Variants in ZNF625 observed in about 807,000 individuals in gnomAD.
ZNF625 encodes the protein zinc finger protein 625.
Under a neutral mutation model 11.1 loss-of-function variants are expected in ZNF625, and 8 were observed. That is an observed-to-expected ratio of 0.72 (90% confidence interval 0.42 to 1.30). The LOEUF is 1.30. ZNF625 is among the 50% of genes most tolerant of loss of function. The pLI, the probability that ZNF625 is intolerant of heterozygous loss-of-function variation, is 0.01. For missense variants in ZNF625, 349 were observed against 447.6 expected (o/e 0.78, Z 1.99); for synonymous variants, 145 against 153.4 (o/e 0.95, Z 0.41).
At chr19:12,149,445 C>G (rs573608498) in intron 1 of ZNF625, among the ~76,000 whole-genome samples, 1 of 151,002 alleles carries the variant, frequency 6.6e-6, no homozygotes, top group East Asian at 1.9e-4. Context: ...GTTGTTACAA[C>G]AAGCATGAAA....
At chr19:12,156,263 A>G (rs1480590380) in intron 1 of ZNF625, among the ~76,000 whole-genome samples, 1 of 152,048 alleles carries the variant, frequency 6.6e-6, no homozygotes, top group African/African-American at 2.4e-5. Context: ...TCTCCGCACA[A>G]TCTGGGGAGA....
At position 12,145,793 on chromosome 19, in the gene ZNF625, A is replaced by G. The variant is rs987714166; in HGVS notation, c.623T>C (p.Ile208Thr). ...KALMCLSLYL[I>T]HKRTHTGEKP... ...CTCTCCAGTGTGAGTTCGTTTGTGG[A>G]TAAGATACAAACTGAGACACATCAA... Residue 208 changes from isoleucine to threonine, a missense_variant, in exon 4 of 4, where the codon ATC becomes ACC. By Grantham distance (89) the Ile-to-Thr change is moderately conservative (BLOSUM62 -1). Coordinates refer to ENST00000439556, the MANE Select transcript of ZNF625 (RefSeq NM_145233.4). The G allele has an allele frequency of 3.1e-6, 5 of 1,614,134 alleles. No individual in the cohort carries two copies. The highest frequency in any genetic ancestry group is 4.2e-6 in the Non-Finnish European group (5 of 1,179,992).
At position 12,147,562 on chromosome 19, in the gene ZNF625, C is replaced by T; in HGVS notation, c.131-107G>A. 1.9e-6 allele frequency: 3 copies of T among 1,554,350 alleles called. No individual in the cohort carries two copies. The South Asian group carries it at 3.4e-5, about 18-fold the overall frequency. ...CAGCCTTGCAGCATTTATTCACATT[C>T]CTATTCCCTGTCCTCACTATTCCCT... On this transcript the variant is annotated intron_variant, in intron 2 of 3. Coordinates refer to ENST00000439556, the MANE Select transcript of ZNF625 (RefSeq NM_145233.4).
chr19:12,147,429 C>A lies in ZNF625; in HGVS notation c.157G>T (p.Glu53Ter). The A allele has an allele frequency of 6.5e-7, 1 of 1,535,526 alleles. No individual in the cohort carries two copies. Among genetic ancestry groups the A allele is most frequent in the Non-Finnish European group, 8.7e-7 (1 of 1,145,432 alleles). Reference protein sequence around the residue: ...VGKKWKDQKIEDEYKNPRRNL... With the variant: ...VGKKWKDQKI Reference sequence around the variant, plus strand: ...CTCCTGGGATTTTTGTACTCATCTTCAATTTTCTGATCTTTCCATTTTTTT... The same window carrying A: ...CTCCTGGGATTTTTGTACTCATCTTAAATTTTCTGATCTTTCCATTTTTTT... The change falls in exon 3 of 4, where the codon GAA becomes TAA. Residue 53 changes from glutamate (E) to a stop codon, truncating the protein, a stop_gained. Coordinates refer to ENST00000439556, the MANE Select transcript of ZNF625 (RefSeq NM_145233.4). LOFTEE classifies it low-confidence loss of function (END_TRUNC).
intron 1 of ZNF625, among the ~76,000 whole-genome samples, chr19:12,153,093 C>T (rs753954428): frequency 5.3e-5 from 8 of 152,022 alleles, no homozygotes; most frequent in Non-Finnish European, 1.2e-4. Flanking sequence ...GTGGCTCACG[C>T]CTGTAATCCT....
At chr19:12,153,719 G>T (rs1012073182) in intron 1 of ZNF625, among the ~76,000 whole-genome samples, 3 of 150,864 alleles carry the variant, frequency 2.0e-5, no homozygotes, top group Non-Finnish European at 4.4e-5. Context: ...GATTCTGGCA[G>T]GCATATAGAC....
intron 1 of ZNF625, among the ~76,000 whole-genome samples, chr19:12,153,003 C>G (rs773619777): frequency 6.6e-6 from 1 of 152,130 alleles, no homozygotes; most frequent in Non-Finnish European, 1.5e-5. Context: ...GATGTCTGCT[C>G]TCATGCCTTC....
chr19:12,153,909 G>A (rs553037907), intron 1 of ZNF625, among the ~76,000 whole-genome samples: 4 of 142,478 alleles, frequency 2.8e-5, no homozygotes, highest in East Asian at 2.3e-4. Flanking sequence ...CCGGGTTCAC[G>A]CCATTCTCCT....
At chr19:12,156,508 C>T (rs1977029504) in intron 1 of ZNF625, 48 bp downstream of exon 1, 1 of 1,401,630 alleles carries the variant, frequency 7.1e-7, no homozygotes, top group Non-Finnish European at 9.3e-7. Context: ...CGAGCCGGTT[C>T]CTCCCGGCCC....
intron 1 of ZNF625, among the ~76,000 whole-genome samples, chr19:12,154,272 C>G (rs1304859478): frequency 1.3e-5 from 2 of 152,190 alleles, no homozygotes; most frequent in African/African-American, 4.8e-5. Context: ...TTGATAATGG[C>G]TCACTGCAGC....
intron 1 of ZNF625, among the ~76,000 whole-genome samples, chr19:12,148,830 G>A (rs1296743266): frequency 1.3e-5 from 2 of 151,326 alleles, no homozygotes; most frequent in Admixed American, 6.6e-5. Context: ...CACCGTCTTG[G>A]CCAGGCTGGT....
In ZNF625 at chr19:12,145,140, A is replaced by C. The variant is rs1418233522; in HGVS notation, c.*157T>G. The C allele has an allele frequency of 1.2e-6, 1 of 858,854 alleles. No individual in the cohort carries two copies. The highest frequency in any genetic ancestry group is 1.8e-6 in the Non-Finnish European group (1 of 550,480). 53.2% of individuals were successfully genotyped at this position (858,854 alleles called of 1,614,324 possible). ...AGGCCCCAGCTAAACTACTCCCAAA[A>C]ATTTTTGCTCCTGGGCTACTGGCAT... is the stretch of plus-strand genomic sequence containing the variant. On this transcript the variant is annotated 3_prime_UTR_variant, in exon 4 of 4. Transcript: ENST00000439556.
Position 12,145,627 on chromosome 19 carries a change from A to C in ZNF625, c.789T>G (p.His263Gln), listed in dbSNP as rs746796556. 3.1e-6 allele frequency: 5 copies of C among 1,613,216 alleles called. No individual in the cohort carries two copies. The African/African-American group carries it at 6.7e-5, about 22-fold the overall frequency. ...CCCCAGTGTGAGTTATTTTATGTGC[A>C]TGGAGGCATGTGGAACTATGGAATG... ...GKAFHSSTCL[H>Q]AHKITHTGEK... is the part of the protein sequence containing the mutation. The change falls in exon 4 of 4, where the codon CAT becomes CAG. Residue 263 changes from histidine (H) to glutamine (Q), a missense_variant. Coordinates refer to ENST00000439556, the MANE Select transcript of ZNF625 (RefSeq NM_145233.4).
At chr19:12,150,000 A>G (rs927209465) in intron 1 of ZNF625, among the ~76,000 whole-genome samples, 16 of 152,108 alleles carry the variant, frequency 1.1e-4, no homozygotes, top group Non-Finnish European at 2.1e-4. Context: ...TGACCTCCCA[A>G]AGTGCTGGGA....
chr19:12,156,462 C>T, intron 1 of ZNF625, 94 bp downstream of exon 1: 1 of 1,092,762 alleles, frequency 9.2e-7, no homozygotes, highest in Non-Finnish European at 1.2e-6. Context: ...GACCCGAAGT[C>T]GCTGCAGGAA....
At position 12,146,044 on chromosome 19, in the gene ZNF625, T is replaced by C; in HGVS notation, c.372A>G (p.Pro124=). The C allele has an allele frequency of 6.2e-7, 1 of 1,614,210 alleles. No homozygotes were observed. The highest frequency in any genetic ancestry group is 8.5e-7 in the Non-Finnish European group (1 of 1,180,036). The change falls in exon 4 of 4, where the codon CCA becomes CCG. Residue 124 remains proline, a synonymous_variant. Coordinates refer to ENST00000439556, the MANE Select transcript of ZNF625 (RefSeq NM_145233.4). ...RHHRADTGHK[P]YEYQEYGQKP... is the part of the protein sequence containing the mutation. ...TCTGTCCATATTCCTGATACTCATA[T>C]GGCTTGTGTCCAGTGTCAGCTCTGT...
intron 1 of ZNF625, among the ~76,000 whole-genome samples, chr19:12,151,370 C>T (rs1358780371): frequency 1.4e-5 from 2 of 146,336 alleles, no homozygotes; most frequent in Non-Finnish European, 3.0e-5. Flanking sequence ...GCCACCACAC[C>T]TGGGTAATTT....
chr19:12,154,347 G>A (rs553190363), intron 1 of ZNF625, among the ~76,000 whole-genome samples: 2 of 152,094 alleles, frequency 1.3e-5, no homozygotes, highest in South Asian at 2.1e-4. Context: ...ACTACAGGTG[G>A]GTGCAACCAC....
At chr19:12,155,923 C>T (rs1416832571) in intron 1 of ZNF625, among the ~76,000 whole-genome samples, 1 of 152,180 alleles carries the variant, frequency 6.6e-6, no homozygotes, top group African/African-American at 2.4e-5. Context: ...GCGATCTCGG[C>T]TCACTGCAGT....
Sources: gnomAD v4.1 joint callset for allele counts (sites outside exome capture counted in the v4.1 genomes callset) on GRCh38, gnomAD v4.1.1 for gene constraint, MANE v1.5 for transcripts, NCBI Gene and HGNC (gene_info 2026-07-23, HGNC 2026-07-21) for gene names.